The following FGD4 variants were observed in gnomAD, a reference collection of about 807,000 sequenced individuals.
FGD4 encodes FYVE, RhoGEF and PH domain containing 4.
In FGD4, 42 loss-of-function variants were observed where a neutral mutation model predicts 102.0. The observed-to-expected ratio is 0.41, with a 90% confidence interval of 0.32 to 0.53. FGD4 has a LOEUF of 0.53. Among genes scored for constraint, FGD4 ranks in the 20% least tolerant of loss-of-function variants. The pLI is 0.21. For missense variants in FGD4, 902 were observed against 1,078.2 expected (o/e 0.84, Z 2.29); for synonymous variants, 380 against 375.7 (o/e 1.01, Z -0.13).
chr12:32,531,155 T>C (rs1941778783), intron 1 of FGD4, among the ~76,000 whole-genome samples: 1 of 151,870 alleles, frequency 6.6e-6, no homozygotes, highest in Admixed American at 6.6e-5. Context: ...TTTCACCACG[T>C]TGGCCAGATG....
intron 7 of FGD4, among the ~76,000 whole-genome samples, chr12:32,606,859 C>G (rs536431159): frequency 1.3e-5 from 2 of 152,110 alleles, no homozygotes. Context: ...AAATGGAGCT[C>G]TATTTACAGA....
chr12:32,568,782 G>A (rs1340382216), intron 2 of FGD4, among the ~76,000 whole-genome samples: 2 of 152,044 alleles, frequency 1.3e-5, no homozygotes, highest in Non-Finnish European at 2.9e-5. Context: ...GCCAGCTTTT[G>A]TTGTTTCTGT....
At position 32,633,222 on chromosome 12, in the gene FGD4, A is replaced by T. The variant is rs1950594339; in HGVS notation, c.2173-327A>T. On this transcript the variant is annotated intron_variant, in intron 14 of 16. Coordinates refer to ENST00000534526, the MANE Select transcript of FGD4 (RefSeq NM_001370298.3). ...TGTGAGAGGGGACCGGGTTGGGAGG[A>T]GGGGGTGGGATGGGCTAAGAGAGAC... Among the ~76,000 whole-genome samples the T allele has an allele frequency of 5.4e-5, 8 of 149,208 alleles. No individual in the cohort carries two copies. In the East Asian group the frequency reaches 8.6e-4, roughly 16 times the overall value.
chr12:32,573,455 T>A (rs147725737), intron 2 of FGD4, among the ~76,000 whole-genome samples: 70 of 152,314 alleles, frequency 4.6e-4, no homozygotes, highest in African/African-American at 1.7e-3. Context: ...TTTCTTTTAG[T>A]CCTGCGTTAG....
chr12:32,487,487 A>G (rs1316485884), intron 1 of FGD4, among the ~76,000 whole-genome samples: 3 of 152,186 alleles, frequency 2.0e-5, no homozygotes, highest in African/African-American at 4.8e-5. Context: ...AAGCTGGAGT[A>G]TAGTGGTGTG....
intron 4 of FGD4, among the ~76,000 whole-genome samples, chr12:32,587,631 TC>T (rs560099181): frequency 1.3e-5 from 2 of 152,100 alleles, no homozygotes; most frequent in Non-Finnish European, 2.9e-5. Flanking sequence ...GCTCAAGTGA[TC>T]CACCCGCCTC....
chr12:32,468,129 A>G (rs1250196579), intron 1 of FGD4, among the ~76,000 whole-genome samples: 1 of 151,980 alleles, frequency 6.6e-6, no homozygotes, highest in Admixed American at 6.5e-5. Flanking sequence ...TGCAACCTCA[A>G]ACTCTTGGAC....
At chr12:32,564,314 C>A (rs763157739) in intron 2 of FGD4, 25 bp downstream of exon 2, 2 of 1,533,322 alleles carry the variant, frequency 1.3e-6, no homozygotes, top group Admixed American at 3.9e-5. Context: ...AGTTTGTGTT[C>A]GGGGTGGGTA....
intron 1 of FGD4, among the ~76,000 whole-genome samples, chr12:32,434,986 C>T (rs947496644): frequency 1.4e-4 from 21 of 150,842 alleles, no homozygotes; most frequent in Non-Finnish European, 2.7e-4. Flanking sequence ...TTTTTTTGCC[C>T]AGGCTGGAGT....
At chr12:32,563,267 T>G (rs1426307278) in intron 1 of FGD4, among the ~76,000 whole-genome samples, 8 of 113,292 alleles carry the variant, frequency 7.1e-5, no homozygotes, top group Admixed American at 9.4e-5. Context: ...AGGCGGAGGG[T>G]CTCCTCACTT....
intron 1 of FGD4, among the ~76,000 whole-genome samples, chr12:32,415,857 A>G (rs1008749143): frequency 5.3e-5 from 8 of 152,014 alleles, no homozygotes; most frequent in Non-Finnish European, 2.9e-5. Flanking sequence ...TTCATCTGAT[A>G]TAAGTATAGC....
At chr12:32,464,135 G>A (rs1440787538) in intron 1 of FGD4, among the ~76,000 whole-genome samples, 1 of 151,970 alleles carries the variant, frequency 6.6e-6, no homozygotes, top group Admixed American at 6.6e-5. Context: ...GTACATACTG[G>A]ATTAGTCATG....
intron 1 of FGD4, among the ~76,000 whole-genome samples, chr12:32,531,444 A>G (rs750895010): frequency 4.1e-4 from 62 of 152,312 alleles, no homozygotes; most frequent in Non-Finnish European, 7.1e-4. Context: ...AAATTCTGTC[A>G]TGCCGTTTTA....
intron 1 of FGD4, among the ~76,000 whole-genome samples, chr12:32,418,236 G>A (rs905327955): frequency 5.3e-5 from 8 of 152,066 alleles, no homozygotes; most frequent in Admixed American, 1.3e-4. Context: ...GATTACAGGC[G>A]TGAGCCACCG....
At chr12:32,571,992 G>A (rs1049158113) in intron 2 of FGD4, among the ~76,000 whole-genome samples, 2 of 152,006 alleles carry the variant, frequency 1.3e-5, no homozygotes, top group African/African-American at 4.8e-5. Context: ...TTATGCCCAG[G>A]AGTTTGAGGT....
At chr12:32,537,712 C>T (rs1454665627) in intron 1 of FGD4, among the ~76,000 whole-genome samples, 2 of 152,174 alleles carry the variant, frequency 1.3e-5, no homozygotes, top group Non-Finnish European at 2.9e-5. Context: ...TAGTTTTACA[C>T]TTTGCTTGGA....
intron 1 of FGD4, among the ~76,000 whole-genome samples, chr12:32,488,929 ACT>A (rs200142577): frequency 0.012 from 1,806 of 152,002 alleles, 36 homozygotes; most frequent in African/African-American, 0.04. Context: ...ACAGGGCGAG[ACT>A]CTGTCTCAAA....
intron 1 of FGD4, among the ~76,000 whole-genome samples, chr12:32,495,832 C>T (rs945106668): frequency 2.6e-5 from 4 of 152,140 alleles, no homozygotes; most frequent in African/African-American, 9.7e-5. Flanking sequence ...TGTGTGCACA[C>T]ATGCTTCACC....
chr12:32,530,880 A>G (rs1217305621), intron 1 of FGD4, among the ~76,000 whole-genome samples: 1 of 150,012 alleles, frequency 6.7e-6, no homozygotes, highest in African/African-American at 2.5e-5. Context: ...CATAGTGGAT[A>G]TACCAAAAAT....
Sources: gnomAD v4.1 joint callset for allele counts (sites outside exome capture counted in the v4.1 genomes callset) on GRCh38, gnomAD v4.1.1 for gene constraint, MANE v1.5 for transcripts, NCBI Gene and HGNC (gene_info 2026-07-23, HGNC 2026-07-21) for gene names.